Variants in STK31 observed in about 807,000 individuals in gnomAD.
STK31 encodes the protein serine/threonine-protein kinase 31.
STK31 carries 89 observed loss-of-function variants against 129.7 expected under a neutral mutation model. The ratio of observed to expected loss-of-function variants is 0.69; its 90% CI spans 0.58 to 0.82. The LOEUF is 0.82. STK31 is among the 40% of genes least tolerant of loss of function. STK31 has a pLI of 0.00. For missense variants in STK31, 1,187 were observed against 1,176.4 expected, an observed-to-expected ratio of 1.01 and a Z score of -0.13; for synonymous variants, 448 against 395.3, an observed-to-expected ratio of 1.13 and a Z score of -1.58.
intron 22 of STK31, among the ~76,000 whole-genome samples, chr7:23,808,186 A>C (rs1792839788): frequency 6.7e-6 from 1 of 150,080 alleles, no homozygotes. Flanking sequence ...GTAGGCAGCC[A>C]CCCTGTTTAG....
At chr7:23,777,762 A>G (rs1465072849) in intron 15 of STK31, among the ~76,000 whole-genome samples, 2 of 152,012 alleles carry the variant, frequency 1.3e-5, no homozygotes, top group Non-Finnish European at 2.9e-5. Context: ...TGAATATAGC[A>G]CACCAATGGG....
chr7:23,799,862 A>T (rs2128119775), intron 22 of STK31, among the ~76,000 whole-genome samples: 1 of 152,352 alleles, frequency 6.6e-6, no homozygotes, highest in Non-Finnish European at 1.5e-5. Flanking sequence ...TAGTATCCAT[A>T]ATCTACAAAG....
intron 15 of STK31, among the ~76,000 whole-genome samples, chr7:23,774,798 ATT>A (rs957037832): frequency 6.6e-6 from 1 of 151,964 alleles, no homozygotes; most frequent in African/African-American, 2.4e-5. Flanking sequence ...CCATTTGTCA[ATT>A]TTGTCTTTTG....
chr7:23,788,267 A>T, intron 21 of STK31, 138 bp downstream of exon 21: 1 of 712,646 alleles, frequency 1.4e-6, no homozygotes. Context: ...AGTATAAGCA[A>T]CTATTTGCCC....
At chr7:23,745,592 G>A (rs567337883) in intron 8 of STK31, among the ~76,000 whole-genome samples, 5 of 152,328 alleles carry the variant, frequency 3.3e-5, no homozygotes, top group South Asian at 2.1e-4. Context: ...TTAGGGCAGC[G>A]GGGTCACTGT....
chr7:23,778,949 G>T (rs1049390239), intron 15 of STK31, among the ~76,000 whole-genome samples: 7 of 152,030 alleles, frequency 4.6e-5, no homozygotes, highest in African/African-American at 1.2e-4. Flanking sequence ...TTTTGTGCTG[G>T]TTTTTTCTCA....
At chr7:23,719,158 T>C (rs1219596303) in intron 4 of STK31, among the ~76,000 whole-genome samples, 2 of 152,108 alleles carry the variant, frequency 1.3e-5, no homozygotes, top group Non-Finnish European at 2.9e-5. Flanking sequence ...TTTTTCACTT[T>C]AATTTTCATT....
intron 20 of STK31, among the ~76,000 whole-genome samples, chr7:23,787,197 C>G (rs41275958): frequency 2.0e-5 from 3 of 152,166 alleles, no homozygotes; most frequent in African/African-American, 7.2e-5. Context: ...CCCAAACTTA[C>G]AACTGCTAAG....
Position 23,781,296 on chromosome 7 carries a change from A to T in STK31, c.1966-123A>T. The stretch of plus-strand genomic sequence containing the variant: ...TCAGCAAGTATTAGAAGGGTCTTTT[A>T]TGTGCTAGGTACTGAAGGATACATA... On this transcript the variant is annotated intron_variant, in intron 15 of 23. Transcript: ENST00000355870. 3 of 633,548 alleles carry T rather than the reference A, an allele frequency of 4.7e-6. No homozygotes were observed. The Admixed American group carries it at 1.0e-4, about 22-fold the overall frequency. The allele number at this position is 633,548 out of a possible 1,614,324, so 39.2% of individuals were successfully genotyped here.
rs1786701102 is a variant in STK31 at position 23,721,582 on chromosome 7, C to G, written c.249+4003C>G. ...TGGGTGGAGCCCTTTGCGGAATCCCCTTGGCCTGCATCTCATCATTTATGA... is the reference window on the plus strand; with the variant it reads ...TGGGTGGAGCCCTTTGCGGAATCCCGTTGGCCTGCATCTCATCATTTATGA... On this transcript the variant is annotated intron_variant, in intron 4 of 23. Coordinates refer to ENST00000355870, the MANE Select transcript of STK31 (RefSeq NM_031414.5). 3.2e-6 allele frequency: 3 copies of G among 939,920 alleles called. No individual in the cohort carries two copies. In the East Asian group the frequency reaches 7.2e-5, roughly 22 times the overall value. 58.2% of individuals were successfully genotyped at this position (939,920 alleles called of 1,614,324 possible). A position where few individuals can be genotyped will look rare whatever the true frequency, so the allele number is the denominator to read the frequency against.
chr7:23,815,289 C>T (rs1168990630), intron 23 of STK31, 77 bp downstream of exon 23: 18 of 1,058,772 alleles, frequency 1.7e-5, no homozygotes, highest in Non-Finnish European at 9.3e-6. Context: ...TGAAAGTTGT[C>T]CTCCAGTTTT....
chr7:23,832,350 C>A lies in STK31; in HGVS notation c.3044C>A (p.Ala1015Asp). ...KCMEKTRNGE[A>D]NFDC ...ATGGAGAAGACAAGAAATGGTGAAG[C>A]CAACTTTGATTGTTAAATTATTATT... Residue 1015 changes from alanine to aspartate, a missense_variant, in exon 24 of 24, where the codon GCC (alanine) becomes GAC (aspartate). This residue lies in a region of STK31 where 975 missense variants were observed against 934.9 expected (regional missense o/e 1.04). Coordinates refer to ENST00000355870, the MANE Select transcript of STK31 (RefSeq NM_031414.5). 1 of 1,607,950 alleles carries A rather than the reference C, an allele frequency of 6.2e-7. No homozygotes were observed. Among genetic ancestry groups the A allele is most frequent in the Non-Finnish European group, 8.5e-7 (1 of 1,178,600 alleles).
intron 10 of STK31, among the ~76,000 whole-genome samples, chr7:23,760,479 A>G (rs1437921712): frequency 6.6e-6 from 1 of 152,208 alleles, no homozygotes; most frequent in Non-Finnish European, 1.5e-5. Context: ...GGGAGAAAGA[A>G]GATGACAGCA....
intron 4 of STK31, chr7:23,721,322 A>G: frequency 2.9e-6 from 2 of 683,128 alleles, no homozygotes; most frequent in East Asian, 5.1e-5. Context: ...TGTCTCTAAA[A>G]TATGTCAAGT....
intron 4 of STK31, chr7:23,725,782 A>T (rs572013408): frequency 1.3e-5 from 2 of 152,346 alleles, no homozygotes; most frequent in South Asian, 4.1e-4. Context: ...AATTATACCA[A>T]TTATGTCTTC....
At chr7:23,726,626 AAAAG>A (rs1291115415) in intron 4 of STK31, among the ~76,000 whole-genome samples, 1 of 151,646 alleles carries the variant, frequency 6.6e-6, no homozygotes, top group East Asian at 1.9e-4. Context: ...CAAAAAAAAA[AAAAG>A]AAAAGAAAAT....
intron 23 of STK31, among the ~76,000 whole-genome samples, chr7:23,819,989 C>T (rs1793706348): frequency 6.6e-6 from 1 of 152,218 alleles, no homozygotes; most frequent in Admixed American, 6.5e-5. Context: ...GACAGAGAAG[C>T]TTCAGTGTGA....
At chr7:23,822,069 G>T (rs1427075783) in intron 23 of STK31, among the ~76,000 whole-genome samples, 1 of 152,156 alleles carries the variant, frequency 6.6e-6, no homozygotes, top group Non-Finnish European at 1.5e-5. Context: ...TGAAGTCAGT[G>T]TGATGCCTCC....
intron 4 of STK31, among the ~76,000 whole-genome samples, chr7:23,726,874 T>TA (rs997969401): frequency 6.6e-5 from 10 of 151,972 alleles, no homozygotes; most frequent in African/African-American, 2.2e-4. Context: ...ATGTTTATGT[T>TA]AAAAAAAATT....
Sources: gnomAD v4.1 joint callset for allele counts (sites outside exome capture counted in the v4.1 genomes callset) on GRCh38, gnomAD v4.1.1 for gene constraint, gnomAD v4.1.1 regional missense constraint, MANE v1.5 for transcripts, NCBI Gene and HGNC (gene_info 2026-07-23, HGNC 2026-07-21) for gene names.